TMEM175: variants seen among roughly 807,000 people sequenced by gnomAD.
The protein encoded by TMEM175 is endosomal/lysosomal proton channel TMEM175.
TMEM175 carries 36 observed loss-of-function variants against 36.5 expected under a neutral mutation model. The ratio of observed to expected loss-of-function variants is 0.99; its 90% CI spans 0.76 to 1.30. TMEM175 has a LOEUF of 1.30. TMEM175 is among the 50% of genes most tolerant of loss of function. The pLI, the probability that TMEM175 is intolerant of heterozygous loss-of-function variation, is 0.00. For synonymous variants in TMEM175, 339 were observed against 313.4 expected (o/e 1.08, Z -0.86); for missense variants, 705 against 692.8 (o/e 1.02, Z -0.20).
chr4:950,380 C>T (rs767841943), intron 3 of TMEM175, 41 bp from the exon 4 acceptor site: 5 of 1,488,146 alleles, frequency 3.4e-6, no homozygotes, highest in African/African-American at 2.8e-5. Context: ...CAGGGACACT[C>T]ATGTCACCTG....
intron 9 of TMEM175, 89 bp from the exon 10 acceptor site, chr4:955,666 C>A: frequency 6.5e-7 from 1 of 1,549,578 alleles, no homozygotes. Flanking sequence ...CATTCCAGGC[C>A]TCTTCATGGA....
chr4:952,791 ATG>A (rs1729114059), intron 7 of TMEM175, among the ~76,000 whole-genome samples: 2 of 149,756 alleles, frequency 1.3e-5, no homozygotes, highest in Non-Finnish European at 3.0e-5. Flanking sequence ...GTGTGTGTAT[ATG>A]TGTGAGTGAT....
chr4:941,308 A>G (rs1480941407), intron 1 of TMEM175, among the ~76,000 whole-genome samples: 7 of 141,200 alleles, frequency 5.0e-5, no homozygotes, highest in Non-Finnish European at 7.6e-5. Context: ...CCCAGGAGGC[A>G]GAGGTTGCAA....
intron 5 of TMEM175, 182 bp from the exon 6 acceptor site, chr4:951,500 A>G: frequency 1.2e-6 from 1 of 832,282 alleles, no homozygotes; most frequent in Non-Finnish European, 1.9e-6. Flanking sequence ...GCACAGGTGT[A>G]GGGGACAGAG....
intron 10 of TMEM175, 114 bp downstream of exon 10, chr4:956,004 C>G: frequency 7.5e-7 from 1 of 1,327,882 alleles, no homozygotes; most frequent in Non-Finnish European, 1.0e-6. Flanking sequence ...CCACCCTCCT[C>G]TGGATGCCTA....
intron 3 of TMEM175, among the ~76,000 whole-genome samples, chr4:949,712 G>A (rs1051469403): frequency 2.8e-5 from 4 of 141,322 alleles, no homozygotes; most frequent in Middle Eastern, 3.3e-3. Context: ...ACCTTCCCAG[G>A]GCTGGAGGGC....
chr4:953,486 G>T lies in TMEM175; in HGVS notation c.627+132G>T. On this transcript the variant is annotated intron_variant, in intron 8 of 10. Coordinates refer to ENST00000264771, the MANE Select transcript of TMEM175 (RefSeq NM_032326.4). Reference sequence around the variant, plus strand: ...GCAGGGGTTCCACCCAGGGTCTTGTGTGTGAGGCCCAGGGCTGCAGTGAGT... The same window carrying T: ...GCAGGGGTTCCACCCAGGGTCTTGTTTGTGAGGCCCAGGGCTGCAGTGAGT... 3 of 1,151,898 alleles carry T rather than the reference G, an allele frequency of 2.6e-6. No homozygotes were observed. The East Asian group carries it at 7.9e-5, about 31-fold the overall frequency. 71.4% of individuals were successfully genotyped at this position (1,151,898 alleles called of 1,614,324 possible).
In TMEM175 at chr4:956,602, C is replaced by G. The variant is rs1023628983; in HGVS notation, c.842+712C>G. On this transcript the variant is annotated intron_variant, in intron 10 of 10. Coordinates refer to ENST00000264771, the MANE Select transcript of TMEM175 (RefSeq NM_032326.4). The stretch of plus-strand genomic sequence containing the variant: ...GGATTACAAGCACCCACCACCATGC[C>G]CAGCTAACTTTTTGCATTTTTAATA... The G allele has an allele frequency of 7.2e-5, 44 of 614,204 alleles. No individual in the cohort carries two copies. The Admixed American group carries it at 1.0e-3, about 14-fold the overall frequency. 38.0% of individuals were successfully genotyped at this position (614,204 alleles called of 1,614,324 possible). A position where few individuals can be genotyped will look rare whatever the true frequency, so the allele number is the denominator to read the frequency against.
chr4:938,398 G>A (rs377552612), intron 1 of TMEM175, among the ~76,000 whole-genome samples: 5 of 152,172 alleles, frequency 3.3e-5, no homozygotes, highest in African/African-American at 1.2e-4. Context: ...CAGCCACTCA[G>A]GAGGCTGAGG....
intron 6 of TMEM175, 56 bp downstream of exon 6, chr4:951,773 G>C: frequency 6.3e-7 from 1 of 1,585,560 alleles, no homozygotes; most frequent in Non-Finnish European, 8.7e-7. Context: ...CACTGGATTT[G>C]ACCTGTCCTC....
rs764735359 is a variant in TMEM175, at chr4:958,458, G to A, written c.1477G>A (p.Asp493Asn). ...CCCCCCGCCAGCCCCCACGGGCCAGGACGACCCACAGTCCCAGCTCCTCCC... is the reference window on the plus strand; with the variant it reads ...CCCCCCGCCAGCCCCCACGGGCCAGAACGACCCACAGTCCCAGCTCCTCCC... ...EHPPPAPTGQ[D>N]DPQSQLLPAP... Residue 493 changes from aspartate (D) to asparagine (N), a missense_variant, in exon 11 of 11, where the codon GAC becomes AAC. Transcript: ENST00000264771. 8.2e-6 allele frequency: 13 copies of A among 1,577,164 alleles called. No individual in the cohort carries two copies. The highest frequency in any genetic ancestry group is 3.5e-5 in the Admixed American group (2 of 56,402).
At chr4:951,796 G>A in intron 6 of TMEM175, 79 bp downstream of exon 6, 1 of 1,486,332 alleles carries the variant, frequency 6.7e-7, no homozygotes, top group Non-Finnish European at 9.4e-7. Flanking sequence ...AAGCAGACCA[G>A]CTGGATGGCC....
chr4:957,856 A>G lies in TMEM175; in HGVS notation c.875A>G (p.Lys292Arg). ...EDNVPDPKDV[K>R]ERFSGSLVAA... ...AACGTCCCGGACCCCAAGGATGTGA[A>G]GGAGAGGTTCAGCGGCAGCCTCGTG... The change falls in exon 11 of 11, where the codon AAG (lysine) becomes AGG (arginine). Residue 292 changes from lysine to arginine, a missense_variant. Coordinates refer to ENST00000264771, the MANE Select transcript of TMEM175 (RefSeq NM_032326.4). 1.2e-6 allele frequency: 2 copies of G among 1,612,176 alleles called. No homozygotes were observed. Among genetic ancestry groups the G allele is most frequent in the Non-Finnish European group, 1.7e-6 (2 of 1,179,606 alleles).
At chr4:952,474 C>CTGTGTGTGTG (rs3066989) in intron 7 of TMEM175, 24 bp downstream of exon 7, 16 of 1,007,986 alleles carry the variant, frequency 1.6e-5, no homozygotes, top group South Asian at 1.5e-4. Flanking sequence ...GGGGCCTGCA[C>CTGTGTGTGTG]TGTGTGTGTG....
Position 932,487 on chromosome 4 carries a change from G to C in TMEM175, c.-85G>C, listed in dbSNP as rs750512431. On this transcript the variant is annotated 5_prime_UTR_variant, in exon 1 of 11. Transcript: ENST00000264771. The surrounding 1 kb of genome is among the most constrained non-coding windows in gnomAD (Gnocchi z 4.0). ...ACTTCCGGCTGTCAAGCTCCCGGCC[G>C]GGCTGACTCAAGCGGAGGCGCGCGG... 6 of 482,270 alleles carry C rather than the reference G, an allele frequency of 1.2e-5. No individual in the cohort carries two copies. Among genetic ancestry groups the C allele is most frequent in the Non-Finnish European group, 2.1e-5 (6 of 282,800 alleles). The allele number at this position is 482,270 out of a possible 1,614,324, so 29.9% of individuals were successfully genotyped here. A position where few individuals can be genotyped will look rare whatever the true frequency, so the allele number is the denominator to read the frequency against.
chr4:950,559 A>C, intron 4 of TMEM175, 41 bp downstream of exon 4: 2 of 1,483,726 alleles, frequency 1.3e-6, no homozygotes, highest in Non-Finnish European at 1.9e-6. Context: ...AGCTGCTCTC[A>C]AGGTTCCCGT....
intron 1 of TMEM175, among the ~76,000 whole-genome samples, chr4:941,007 AAATAATAATAATAATAATAATAAT>A (rs71166902): frequency 7.6e-6 from 1 of 131,864 alleles, no homozygotes; most frequent in Non-Finnish European, 1.6e-5. Flanking sequence ...CTCCGTCTCA[AAATAATAATAATAATAATAATAAT>A]AATAATAATA....
chr4:955,511 G>C, intron 9 of TMEM175, 28 bp downstream of exon 9: 1 of 1,605,504 alleles, frequency 6.2e-7, no homozygotes, highest in Non-Finnish European at 8.5e-7. Flanking sequence ...GGGCTGGCCT[G>C]AGAGGCCTGT....
At chr4:933,820 G>A (rs1726436314) in intron 1 of TMEM175, among the ~76,000 whole-genome samples, 2 of 152,160 alleles carry the variant, frequency 1.3e-5, no homozygotes, top group Admixed American at 1.3e-4. Flanking sequence ...GCCTCAGCTC[G>A]TTGGAACACT....
Sources: gnomAD v4.1 joint callset for allele counts (sites outside exome capture counted in the v4.1 genomes callset) on GRCh38, gnomAD v4.1.1 for gene constraint, Gnocchi (gnomAD v3.1) non-coding constraint, MANE v1.5 for transcripts, NCBI Gene and HGNC (gene_info 2026-07-23, HGNC 2026-07-21) for gene names.